ATP11B: variants seen among roughly 807,000 people sequenced by gnomAD.
ATP11B encodes ATPase phospholipid transporting 11B (putative).
ATP11B carries 81 observed loss-of-function variants against 157.8 expected under a neutral mutation model. The ratio of observed to expected loss-of-function variants is 0.51; its 90% CI spans 0.43 to 0.62. The LOEUF is 0.62. Among genes scored for constraint, ATP11B ranks in the 20% least tolerant of loss-of-function variants. The pLI is 0.00. For missense variants in ATP11B, 1,165 were observed against 1,402.2 expected (o/e 0.83, Z 2.70); for synonymous variants, 451 against 469.4 (o/e 0.96, Z 0.51).
At chr3:182,878,555 G>A (rs983842836) in intron 19 of ATP11B, among the ~76,000 whole-genome samples, 18 of 152,216 alleles carry the variant, frequency 1.2e-4, no homozygotes, top group Admixed American at 2.6e-4. Flanking sequence ...TGATTTTGTT[G>A]ATTTACATTC....
chr3:182,866,131 G>T, intron 13 of ATP11B, 137 bp from the exon 14 acceptor site: 1 of 615,132 alleles, frequency 1.6e-6, no homozygotes. Context: ...ACTTTTTGAA[G>T]GCAGAAACAA....
intron 18 of ATP11B, among the ~76,000 whole-genome samples, chr3:182,873,359 T>G (rs2049285): frequency 0.57 from 86,888 of 151,954 alleles, 25,774 homozygotes; most frequent in Non-Finnish European, 0.66. Context: ...TTGGTTGTCC[T>G]TACGAGATTT....
chr3:182,887,675 A>G lies in ATP11B; in HGVS notation c.2805A>G (p.Val935=). The change falls in exon 24 of 30, where the codon GTA becomes GTG. Residue 935 remains valine (V), a synonymous_variant. Coordinates refer to ENST00000323116, the MANE Select transcript of ATP11B (RefSeq NM_014616.3). ...TATATAGTCTTTTGGAACAGCATGTAGACCCTCATGTGTTACAAAATAAGC... is the reference window on the plus strand; with the variant it reads ...TATATAGTCTTTTGGAACAGCATGTGGACCCTCATGTGTTACAAAATAAGC... ...ILIYSLLEQH[V]DPHVLQNKPT... The G allele has an allele frequency of 6.2e-7, 1 of 1,612,836 alleles. No homozygotes were observed. The highest frequency in any genetic ancestry group is 8.5e-7 in the Non-Finnish European group (1 of 1,179,602).
intron 12 of ATP11B, among the ~76,000 whole-genome samples, chr3:182,861,408 A>C (rs1294739215): frequency 6.6e-6 from 1 of 152,180 alleles, no homozygotes; most frequent in Non-Finnish European, 1.5e-5. Context: ...TAAAAACAGC[A>C]CTTGCCAAAT....
chr3:182,855,976 G>T (rs564746925), intron 10 of ATP11B, among the ~76,000 whole-genome samples: 1 of 152,260 alleles, frequency 6.6e-6, no homozygotes, highest in South Asian at 2.1e-4. Context: ...TAGTTTGGGA[G>T]TTTCTTACAA....
intron 24 of ATP11B, among the ~76,000 whole-genome samples, chr3:182,888,461 A>T (rs549423292): frequency 5.9e-5 from 9 of 152,202 alleles, no homozygotes; most frequent in Non-Finnish European, 8.8e-5. Flanking sequence ...TAACAGAAGA[A>T]TATAATAACA....
chr3:182,845,004 TTA>T lies in ATP11B; in HGVS notation c.705-452_705-451del, dbSNP rs1162086786. Among the ~76,000 whole-genome samples, 30 of 119,398 alleles carry T rather than the reference TTA, an allele frequency of 2.5e-4. 1 individual carries two copies. Among genetic ancestry groups the T allele is most frequent in the East Asian group, 8.3e-4 (4 of 4,838 alleles). The allele number at this position is 119,398 out of a possible 152,430, so 78.3% of individuals were successfully genotyped here. A position where few individuals can be genotyped will look rare whatever the true frequency, so the allele number is the denominator to read the frequency against. ...AGCCTTTTTTTTTTTATTTTTTTTT[TTA>T]TTTTTTTTTATTTTTGAGATGGAGT... On this transcript the variant is annotated intron_variant, in intron 8 of 29. Transcript: ENST00000323116.
chr3:182,841,255 T>C (rs1337831531), intron 7 of ATP11B, among the ~76,000 whole-genome samples: 1 of 152,208 alleles, frequency 6.6e-6, no homozygotes, highest in Non-Finnish European at 1.5e-5. Context: ...TACATAATAT[T>C]TTCTAGTATA....
At chr3:182,887,489 A>T in intron 23 of ATP11B, 97 bp from the exon 24 acceptor site, 1 of 1,054,648 alleles carries the variant, frequency 9.5e-7, no homozygotes, top group Non-Finnish European at 1.3e-6. Context: ...ATAAATTTTT[A>T]AAACTTTAAT....
chr3:182,890,927 T>C (rs1199998118), intron 25 of ATP11B, among the ~76,000 whole-genome samples: 2 of 152,184 alleles, frequency 1.3e-5, no homozygotes, highest in African/African-American at 4.8e-5. Context: ...TTAGGAGATA[T>C]ACCTAATGTA....
At chr3:182,865,795 C>A in intron 13 of ATP11B, 97 bp downstream of exon 13, 3 of 876,246 alleles carry the variant, frequency 3.4e-6, no homozygotes, top group South Asian at 1.9e-5. Flanking sequence ...GTCAGTAGAG[C>A]AAGGAATATA....
chr3:182,794,847 C>T (rs553619060), intron 1 of ATP11B, among the ~76,000 whole-genome samples: 2 of 152,280 alleles, frequency 1.3e-5, no homozygotes, highest in East Asian at 3.9e-4. Context: ...TACAAGTTGG[C>T]GTTTTCATTT....
At chr3:182,812,225 A>G (rs1378629515) in intron 1 of ATP11B, among the ~76,000 whole-genome samples, 1 of 152,170 alleles carries the variant, frequency 6.6e-6, no homozygotes, top group Non-Finnish European at 1.5e-5. Context: ...TCTCCAGCCT[A>G]TTTGCAGAGT....
At chr3:182,797,160 A>C (rs1234653730) in intron 1 of ATP11B, among the ~76,000 whole-genome samples, 1 of 152,110 alleles carries the variant, frequency 6.6e-6, no homozygotes, top group Non-Finnish European at 1.5e-5. Flanking sequence ...CTTTTCTTTC[A>C]TTCTGCTGTC....
At position 182,879,546 on chromosome 3, in the gene ATP11B, G is replaced by C. The variant is rs1722278036; in HGVS notation, c.2303G>C (p.Ser768Thr). 1 of 1,613,946 alleles carries C rather than the reference G, an allele frequency of 6.2e-7. No individual in the cohort carries two copies. The change falls in exon 20 of 30, where the codon AGC becomes ACC. Residue 768 changes from serine to threonine, a missense_variant. This residue lies in a region of ATP11B where 737 missense variants were observed against 930.5 expected (regional missense o/e 0.79). Coordinates refer to ENST00000323116, the MANE Select transcript of ATP11B (RefSeq NM_014616.3). ...CATGGGCTGGTAGTGGATGGGACCA[G>C]CCTATCTCTTGCACTCAGGGAGCAT... ...IQHGLVVDGT[S>T]LSLALREHEK...
chr3:182,840,817 C>G (rs1197425089), intron 7 of ATP11B, among the ~76,000 whole-genome samples: 1 of 152,196 alleles, frequency 6.6e-6, no homozygotes, highest in Non-Finnish European at 1.5e-5. Context: ...GTACCATCTC[C>G]TGCCTGGATT....
intron 17 of ATP11B, among the ~76,000 whole-genome samples, chr3:182,870,151 T>C (rs1209256978): frequency 6.6e-6 from 1 of 152,204 alleles, no homozygotes; most frequent in Non-Finnish European, 1.5e-5. Flanking sequence ...ATTTAGATAG[T>C]GGTGATAATT....
chr3:182,833,578 T>A (rs1718316904), intron 4 of ATP11B: 1 of 152,114 alleles, frequency 6.6e-6, no homozygotes, highest in Non-Finnish European at 1.5e-5. Flanking sequence ...ATTCTCTCCC[T>A]TCGGCCTCCC....
Position 182,884,767 on chromosome 3 carries a change from G to C in ATP11B, c.2524G>C (p.Glu842Gln). ...TTTTATTATAGGAATCATGGGTAAA[G>C]AAGGAAGACAGGCTGCAAGAAACAG... is the stretch of plus-strand genomic sequence containing the variant. ...AHVGIGIMGK[E>Q]GRQAARNSDY... The change falls in exon 22 of 30, where the codon GAA (glutamate) becomes CAA (glutamine). Residue 842 changes from glutamate to glutamine, a missense_variant. Transcript: ENST00000323116. 6.3e-7 allele frequency: 1 copy of C among 1,594,640 alleles called. No homozygotes were observed.
Sources: gnomAD v4.1 joint callset for allele counts (sites outside exome capture counted in the v4.1 genomes callset) on GRCh38, gnomAD v4.1.1 for gene constraint, gnomAD v4.1.1 regional missense constraint, MANE v1.5 for transcripts, NCBI Gene and HGNC (gene_info 2026-07-23, HGNC 2026-07-21) for gene names.